The following ZDHHC14 variants were observed in gnomAD, a reference collection of about 807,000 sequenced individuals.
ZDHHC14 encodes the protein zDHHC palmitoyltransferase 14.
In ZDHHC14, 16 loss-of-function variants were observed where a neutral mutation model predicts 47.7. The observed-to-expected ratio is 0.34, with a 90% CI of 0.23 to 0.51. ZDHHC14 has a LOEUF of 0.51. ZDHHC14 is among the 20% of genes least tolerant of loss of function. The pLI, the probability that ZDHHC14 is intolerant of heterozygous loss-of-function variation, is 0.97. For missense variants in ZDHHC14, 515 were observed against 662.5 expected (o/e 0.78, Z 2.44); for synonymous variants, 293 against 278.9 (o/e 1.05, Z -0.50).
intron 3 of ZDHHC14, among the ~76,000 whole-genome samples, chr6:157,594,590 C>T (rs1784046485): frequency 6.6e-6 from 1 of 152,200 alleles, no homozygotes; most frequent in South Asian, 2.1e-4. Context: ...TTGTTAGCTG[C>T]TAGTGCTCTT....
intron 2 of ZDHHC14, among the ~76,000 whole-genome samples, chr6:157,571,564 C>T (rs1783097025): frequency 1.3e-5 from 2 of 152,128 alleles, no homozygotes; most frequent in African/African-American, 4.8e-5. Context: ...GGAGCATCTT[C>T]GTAAGTGGCT....
chr6:157,535,981 G>A (rs1404117745), intron 1 of ZDHHC14, among the ~76,000 whole-genome samples: 2 of 152,088 alleles, frequency 1.3e-5, no homozygotes, highest in African/African-American at 4.8e-5. Context: ...AAAGGAAAAG[G>A]GGTCATTTCT....
chr6:157,434,419 C>T (rs1026487216), intron 1 of ZDHHC14, among the ~76,000 whole-genome samples: 3 of 151,930 alleles, frequency 2.0e-5, no homozygotes, highest in African/African-American at 4.8e-5. Flanking sequence ...CCTCTGAGCC[C>T]GAACTGGACT....
chr6:157,571,156 G>A (rs143622152), intron 2 of ZDHHC14, among the ~76,000 whole-genome samples: 110 of 152,288 alleles, frequency 7.2e-4, no homozygotes, highest in African/African-American at 2.1e-3. Context: ...TTGCCACTCC[G>A]CATTCACGTT....
At chr6:157,517,887 G>C (rs976401692) in intron 1 of ZDHHC14, among the ~76,000 whole-genome samples, 1 of 152,188 alleles carries the variant, frequency 6.6e-6, no homozygotes, top group Non-Finnish European at 1.5e-5. Flanking sequence ...TGTCGCTGTT[G>C]CCCTAGGCAT....
At chr6:157,632,792 C>T (rs1301290583) in intron 4 of ZDHHC14, 42 bp from the exon 5 acceptor site, 11 of 1,585,956 alleles carry the variant, frequency 6.9e-6, no homozygotes, top group Non-Finnish European at 9.5e-6. Flanking sequence ...AGCATGAAGG[C>T]TGTTTCTATC....
chr6:157,527,872 G>A lies in ZDHHC14; in HGVS notation c.246-14713G>A, dbSNP rs373965437. ...GTATGACGCAAGCCTAAGAGGGATAGGGATGTAGCTGTAGGAGGGGCTTTC... is the reference window on the plus strand; with the variant it reads ...GTATGACGCAAGCCTAAGAGGGATAAGGATGTAGCTGTAGGAGGGGCTTTC... On this transcript the variant is annotated intron_variant, in intron 1 of 8. Transcript: ENST00000359775. 4.5e-4 allele frequency among the ~76,000 whole-genome samples: 68 copies of A among 152,278 alleles called. 1 individual carries two copies. The highest frequency in any genetic ancestry group is 6.8e-3 in the Middle Eastern group (2 of 294).
chr6:157,616,693 G>A (rs1032804979), intron 3 of ZDHHC14, among the ~76,000 whole-genome samples: 1 of 152,184 alleles, frequency 6.6e-6, no homozygotes, highest in Non-Finnish European at 1.5e-5. Flanking sequence ...AACCACACAC[G>A]AGGCAGGAGG....
chr6:157,592,944 G>T, intron 2 of ZDHHC14, 44 bp from the exon 3 acceptor site: 1 of 1,558,890 alleles, frequency 6.4e-7, no homozygotes, highest in Non-Finnish European at 8.7e-7. Context: ...CGAGGCAGAG[G>T]GAGGCTCTGA....
rs1778923704 is a variant in ZDHHC14, at chr6:157,673,995, A to C, written c.*873A>C. On this transcript the variant is annotated 3_prime_UTR_variant, in exon 9 of 9. Transcript: ENST00000359775. The surrounding 1 kb of genome is among the most constrained non-coding windows in gnomAD (Gnocchi z 5.4). ...CATAAATGAAAACAAAGTCATCCAGATGGGGAGAGTTTTTCTTGAAATGTC... is the reference window on the plus strand; with the variant it reads ...CATAAATGAAAACAAAGTCATCCAGCTGGGGAGAGTTTTTCTTGAAATGTC... 1 of 152,658 alleles carries C rather than the reference A, an allele frequency of 6.6e-6. No individual in the cohort carries two copies. Among genetic ancestry groups the C allele is most frequent in the Non-Finnish European group, 1.5e-5 (1 of 68,036 alleles). 9.5% of individuals were successfully genotyped at this position (152,658 alleles called of 1,614,324 possible).
intron 1 of ZDHHC14, among the ~76,000 whole-genome samples, chr6:157,461,923 T>G (rs1337272488): frequency 1.3e-5 from 2 of 152,236 alleles, no homozygotes; most frequent in Non-Finnish European, 2.9e-5. Context: ...GAGATCCTCA[T>G]ACACTAAAGG....
chr6:157,383,087 A>T (rs1030132106), intron 1 of ZDHHC14, among the ~76,000 whole-genome samples: 2 of 152,228 alleles, frequency 1.3e-5, no homozygotes, highest in Non-Finnish European at 2.9e-5. Context: ...GTTTTCAGGA[A>T]AATCAAATTG....
intron 2 of ZDHHC14, among the ~76,000 whole-genome samples, chr6:157,556,234 CA>C (rs1249477934): frequency 2.3e-5 from 3 of 129,974 alleles, no homozygotes; most frequent in Non-Finnish European, 4.6e-5. Flanking sequence ...AAAGCAGAGC[CA>C]GCAGAGAGGA....
intron 1 of ZDHHC14, among the ~76,000 whole-genome samples, chr6:157,405,319 G>A (rs1216916198): frequency 6.6e-6 from 1 of 152,000 alleles, no homozygotes; most frequent in Non-Finnish European, 1.5e-5. Context: ...TGCAAGCTCC[G>A]CCTCCTGGGT....
chr6:157,434,862 T>G (rs1397980328), intron 1 of ZDHHC14, among the ~76,000 whole-genome samples: 1 of 152,140 alleles, frequency 6.6e-6, no homozygotes, highest in Non-Finnish European at 1.5e-5. Flanking sequence ...CGTGACATGT[T>G]TTGTAATAGT....
chr6:157,540,888 A>ATGTGTG (rs1171821046), intron 1 of ZDHHC14, among the ~76,000 whole-genome samples: 161 of 127,538 alleles, frequency 1.3e-3, no homozygotes, highest in Admixed American at 1.9e-3. Flanking sequence ...ATATGTATGT[A>ATGTGTG]TGTGTGTGTG....
chr6:157,496,628 C>T (rs1780072480), intron 1 of ZDHHC14, among the ~76,000 whole-genome samples: 4 of 152,114 alleles, frequency 2.6e-5, no homozygotes. Flanking sequence ...TGGGCATGTG[C>T]CTGGGGTGAT....
chr6:157,567,975 G>A (rs1782968509), intron 2 of ZDHHC14, among the ~76,000 whole-genome samples: 1 of 152,174 alleles, frequency 6.6e-6, no homozygotes, highest in African/African-American at 2.4e-5. Flanking sequence ...GCCCCAATGA[G>A]TGAAATACCT....
In ZDHHC14 at chr6:157,674,443, G is replaced by A. The variant is rs1024737879; in HGVS notation, c.*1321G>A. On this transcript the variant is annotated 3_prime_UTR_variant, in exon 9 of 9. Transcript: ENST00000359775. Reference sequence around the variant, plus strand: ...AATGACCACTTTGTTCACTTTCATTGGTCACCTAGAAGGGAACGAACTGGC... The same window carrying A: ...AATGACCACTTTGTTCACTTTCATTAGTCACCTAGAAGGGAACGAACTGGC... The A allele has an allele frequency of 3.9e-5, 6 of 152,158 alleles. No homozygotes were observed. Among genetic ancestry groups the A allele is most frequent in the Non-Finnish European group, 7.3e-5 (5 of 68,040 alleles). 9.4% of individuals were successfully genotyped at this position (152,158 alleles called of 1,614,324 possible).
Sources: gnomAD v4.1 joint callset for allele counts (sites outside exome capture counted in the v4.1 genomes callset) on GRCh38, gnomAD v4.1.1 for gene constraint, Gnocchi (gnomAD v3.1) non-coding constraint, MANE v1.5 for transcripts, NCBI Gene and HGNC (gene_info 2026-07-23, HGNC 2026-07-21) for gene names.